Variants in NKAIN2 observed in about 807,000 individuals in gnomAD.
The protein encoded by NKAIN2 is sodium/potassium transporting ATPase interacting 2, also known as sodium/potassium-transporting ATPase subunit beta-1-interacting protein 2.
In NKAIN2, 14 loss-of-function variants were observed where a neutral mutation model predicts 32.6. That is an observed-to-expected ratio of 0.43 (90% CI 0.28 to 0.67). The LOEUF (loss-of-function observed/expected upper bound fraction) is 0.67, where lower values mean the gene tolerates loss of function less well. Ranked by LOEUF, NKAIN2 falls within the 30% of genes least tolerant of loss-of-function variation. The probability of loss-of-function intolerance (pLI) is 0.17; values close to 1 mark genes in which losing one functional copy is unlikely to be tolerated. For missense variants in NKAIN2, 198 were observed against 258.3 expected (o/e 0.77, Z 1.60); for synonymous variants, 80 against 87.2 (o/e 0.92, Z 0.46).
At chr6:124,599,646 T>C (rs137975537) in intron 3 of NKAIN2, among the ~76,000 whole-genome samples, 3 of 152,228 alleles carry the variant, frequency 2.0e-5, no homozygotes, top group African/African-American at 4.8e-5. Flanking sequence ...GTTAGAGTAG[T>C]TGAAATGTCG....
At chr6:124,405,946 C>A (rs1773838031) in intron 3 of NKAIN2, among the ~76,000 whole-genome samples, 1 of 151,642 alleles carries the variant, frequency 6.6e-6, no homozygotes, top group Non-Finnish European at 1.5e-5. Context: ...TTAAAGTAAG[C>A]CAGCCTCTGA....
At chr6:124,448,668 T>A (rs576718835) in intron 3 of NKAIN2, among the ~76,000 whole-genome samples, 2 of 152,250 alleles carry the variant, frequency 1.3e-5, no homozygotes, top group South Asian at 2.1e-4. Flanking sequence ...TGTATTGGGA[T>A]TTTTTAGTGC....
chr6:124,400,989 C>A (rs1290631283), intron 3 of NKAIN2, among the ~76,000 whole-genome samples: 1 of 152,070 alleles, frequency 6.6e-6, no homozygotes, highest in Non-Finnish European at 1.5e-5. Flanking sequence ...ACAGTATGTA[C>A]CCTTTTATGT....
At chr6:124,309,472 T>A (rs1796633748) in intron 2 of NKAIN2, among the ~76,000 whole-genome samples, 1 of 152,174 alleles carries the variant, frequency 6.6e-6, no homozygotes, top group African/African-American at 2.4e-5. Flanking sequence ...GACATTTCCC[T>A]TAATGTATTA....
At position 124,112,627 on chromosome 6, in the gene NKAIN2, A is replaced by G. The variant is rs558230936; in HGVS notation, c.55-170378A>G. On this transcript the variant is annotated intron_variant, in intron 1 of 6. Coordinates refer to ENST00000368417, the MANE Select transcript of NKAIN2 (RefSeq NM_001040214.3). ...CTTCCCCAGATTTGTGAAGCCTTCA[A>G]CAATTATTTCTTTGAATAAGTTTTC... Among the ~76,000 whole-genome samples the G allele has an allele frequency of 2.6e-5, 4 of 152,278 alleles. No individual in the cohort carries two copies. In the South Asian group the frequency reaches 6.2e-4, roughly 24 times the overall value.
chr6:124,553,496 G>A (rs915665097), intron 3 of NKAIN2, among the ~76,000 whole-genome samples: 3 of 152,006 alleles, frequency 2.0e-5, no homozygotes, highest in African/African-American at 7.3e-5. Context: ...TAGTAGAGAT[G>A]GGGTTTCTCC....
intron 2 of NKAIN2, among the ~76,000 whole-genome samples, chr6:124,315,836 T>G (rs774701899): frequency 6.6e-5 from 10 of 152,288 alleles, no homozygotes; most frequent in Non-Finnish European, 1.5e-4. Context: ...TCTTATTTGC[T>G]TATATCTCTT....
intron 2 of NKAIN2, among the ~76,000 whole-genome samples, chr6:124,291,850 T>C (rs1453738002): frequency 6.6e-6 from 1 of 152,248 alleles, no homozygotes; most frequent in East Asian, 1.9e-4. Context: ...TTGAGTTTTA[T>C]ATTTTCTGTG....
intron 4 of NKAIN2, among the ~76,000 whole-genome samples, chr6:124,666,488 G>A (rs1189310009): frequency 6.6e-6 from 1 of 152,050 alleles, no homozygotes; most frequent in Non-Finnish European, 1.5e-5. Context: ...CTTCTGAAAT[G>A]GGCACAAATT....
chr6:124,085,696 T>C (rs2114916943), intron 1 of NKAIN2, among the ~76,000 whole-genome samples: 1 of 152,112 alleles, frequency 6.6e-6, no homozygotes, highest in Non-Finnish European at 1.5e-5. Flanking sequence ...TAGATGCTTC[T>C]GATACATAAG....
chr6:124,073,743 A>G (rs1360631893), intron 1 of NKAIN2, among the ~76,000 whole-genome samples: 1 of 152,042 alleles, frequency 6.6e-6, no homozygotes, highest in Admixed American at 6.6e-5. Flanking sequence ...GAGCCCTGAC[A>G]CTCTGTGAAG....
intron 3 of NKAIN2, among the ~76,000 whole-genome samples, chr6:124,556,364 T>A (rs1395664249): frequency 6.6e-6 from 1 of 152,206 alleles, no homozygotes; most frequent in Admixed American, 6.5e-5. Flanking sequence ...ATTGCCATTG[T>A]GATGGTATTA....
intron 3 of NKAIN2, among the ~76,000 whole-genome samples, chr6:124,413,998 G>T (rs946396388): frequency 1.3e-5 from 2 of 149,940 alleles, no homozygotes; most frequent in African/African-American, 2.5e-5. Context: ...TTTTTCTGTT[G>T]AACCTGAATA....
At chr6:123,969,180 T>C (rs1407339207) in intron 1 of NKAIN2, among the ~76,000 whole-genome samples, 1 of 152,220 alleles carries the variant, frequency 6.6e-6, no homozygotes, top group Admixed American at 6.5e-5. Context: ...TTTGCTCACT[T>C]TCCAGTGAGA....
At chr6:123,979,510 AATT>A (rs1734870703) in intron 1 of NKAIN2, among the ~76,000 whole-genome samples, 1 of 152,184 alleles carries the variant, frequency 6.6e-6, no homozygotes. Flanking sequence ...TCAGGGCCCA[AATT>A]CCCTGTTAAT....
At chr6:124,806,535 T>A (rs1291813251) in intron 5 of NKAIN2, among the ~76,000 whole-genome samples, 1 of 151,874 alleles carries the variant, frequency 6.6e-6, no homozygotes, top group East Asian at 1.9e-4. Context: ...TGCAAAATCA[T>A]GCCAAAATGT....
At chr6:124,559,493 C>G (rs938905718) in intron 3 of NKAIN2, among the ~76,000 whole-genome samples, 1 of 152,132 alleles carries the variant, frequency 6.6e-6, no homozygotes, top group African/African-American at 2.4e-5. Context: ...TATGGCTGAC[C>G]CTGCTGGGAT....
chr6:124,034,162 T>C (rs955997530), intron 1 of NKAIN2, among the ~76,000 whole-genome samples: 1 of 152,034 alleles, frequency 6.6e-6, no homozygotes, highest in African/African-American at 2.4e-5. Context: ...AGGGGGTACA[T>C]GCGCAGGTTT....
At chr6:124,398,276 A>AG (rs1462615695) in intron 3 of NKAIN2, among the ~76,000 whole-genome samples, 1 of 135,138 alleles carries the variant, frequency 7.4e-6, no homozygotes, top group East Asian at 2.2e-4. Context: ...AAAAAAAAAA[A>AG]AAAAAAGATG....
Sources: gnomAD v4.1 joint callset for allele counts (sites outside exome capture counted in the v4.1 genomes callset) on GRCh38, gnomAD v4.1.1 for gene constraint, MANE v1.5 for transcripts, NCBI Gene and HGNC (gene_info 2026-07-23, HGNC 2026-07-21) for gene names.